Variants in TSPAN9 observed in about 807,000 individuals in gnomAD.
TSPAN9 encodes tetraspanin-9.
A neutral mutation model predicts 31.0 loss-of-function variants in TSPAN9; 16 were observed. The observed-to-expected ratio is 0.52, with a 90% CI of 0.35 to 0.78. The LOEUF (loss-of-function observed/expected upper bound fraction) is 0.78, where lower values mean the gene tolerates loss of function less well. Ranked by LOEUF, TSPAN9 falls within the 30% of genes least tolerant of loss-of-function variation. The pLI, the probability that TSPAN9 is intolerant of heterozygous loss-of-function variation, is 0.01. For synonymous variants in TSPAN9, 145 were observed against 121.6 expected (o/e 1.19, Z -1.27); for missense variants, 272 against 312.5 (o/e 0.87, Z 0.98).
intron 3 of TSPAN9, among the ~76,000 whole-genome samples, chr12:3,229,688 C>T (rs938485664): frequency 7.2e-5 from 11 of 152,232 alleles, no homozygotes; most frequent in African/African-American, 2.4e-4. Flanking sequence ...TGCCATCTTC[C>T]TGCTGGGTTT....
At chr12:3,244,879 G>C (rs924212345) in intron 3 of TSPAN9, among the ~76,000 whole-genome samples, 1 of 152,176 alleles carries the variant, frequency 6.6e-6, no homozygotes, top group Non-Finnish European at 1.5e-5. Flanking sequence ...CTCCTCCTGG[G>C]GCAGTGGACA....
intron 3 of TSPAN9, among the ~76,000 whole-genome samples, chr12:3,258,454 C>A (rs1457017980): frequency 3.9e-5 from 6 of 152,144 alleles, no homozygotes; most frequent in African/African-American, 1.4e-4. Context: ...GGGAGGGAGA[C>A]CTCAGTGAAT....
intron 2 of TSPAN9, among the ~76,000 whole-genome samples, chr12:3,125,513 G>T (rs1278032342): frequency 2.0e-5 from 3 of 152,074 alleles, no homozygotes; most frequent in African/African-American, 7.2e-5. Flanking sequence ...TAAAAAATAG[G>T]TACTGTTCTT....
chr12:3,092,732 A>G (rs1591623654), intron 2 of TSPAN9, among the ~76,000 whole-genome samples: 1 of 152,216 alleles, frequency 6.6e-6, no homozygotes, highest in Non-Finnish European at 1.5e-5. Flanking sequence ...TGTTTGGCAC[A>G]TTGGATGTCC....
intron 2 of TSPAN9, among the ~76,000 whole-genome samples, chr12:3,112,431 C>T (rs1185825156): frequency 2.0e-5 from 3 of 152,036 alleles, no homozygotes; most frequent in East Asian, 1.9e-4. Context: ...CTGCCTCAGC[C>T]TCCCAAAGTG....
chr12:3,096,089 G>C (rs2098308636), intron 2 of TSPAN9, among the ~76,000 whole-genome samples: 1 of 152,116 alleles, frequency 6.6e-6, no homozygotes, highest in Admixed American at 6.5e-5. Flanking sequence ...CAGCTCCGCT[G>C]CCCGCTGAAC....
At chr12:3,244,009 C>T (rs1014546550) in intron 3 of TSPAN9, among the ~76,000 whole-genome samples, 7 of 152,220 alleles carry the variant, frequency 4.6e-5, no homozygotes, top group Non-Finnish European at 7.3e-5. Flanking sequence ...GTGCCTGGCA[C>T]CTGGGCCAAG....
At chr12:3,235,391 C>T (rs2098393266) in intron 3 of TSPAN9, among the ~76,000 whole-genome samples, 1 of 150,270 alleles carries the variant, frequency 6.7e-6, no homozygotes, top group South Asian at 2.1e-4. Context: ...GGTTCGCACG[C>T]TAGCATTTTC....
At position 3,226,767 on chromosome 12, in the gene TSPAN9, TATATATATATATATATATATA is replaced by T. The variant is rs1565622522; in HGVS notation, c.63+25512_63+25532del. The stretch of plus-strand genomic sequence containing the variant: ...GTGTATATATATATATATATATATA[TATATATATATATATATATATA>T]TATATATTTTTTTTTTTTTTTCCCT... On this transcript the variant is annotated intron_variant, in intron 3 of 8. Coordinates refer to ENST00000011898, the MANE Select transcript of TSPAN9 (RefSeq NM_006675.5). Among the ~76,000 whole-genome samples, 20 of 3,286 alleles carry T rather than the reference TATATATATATATATATATATA, an allele frequency of 6.1e-3. 3 individuals carry two copies. The highest frequency in any genetic ancestry group is 0.01 in the African/African-American group (18 of 1,744). 2.2% of individuals were successfully genotyped at this position (3,286 alleles called of 152,430 possible).
At chr12:3,161,569 C>T (rs1166311663) in intron 2 of TSPAN9, among the ~76,000 whole-genome samples, 4 of 152,112 alleles carry the variant, frequency 2.6e-5, no homozygotes, top group East Asian at 1.9e-4. Context: ...GAGCACCTAG[C>T]GTGGGGCCTG....
chr12:3,196,121 C>T (rs1490201815), intron 2 of TSPAN9, among the ~76,000 whole-genome samples: 1 of 152,188 alleles, frequency 6.6e-6, no homozygotes, highest in Non-Finnish European at 1.5e-5. Context: ...AAACCAGCAC[C>T]AATGGATGGT....
chr12:3,246,196 TGG>T (rs1413833592), intron 3 of TSPAN9, among the ~76,000 whole-genome samples: 1 of 149,988 alleles, frequency 6.7e-6, no homozygotes, highest in Non-Finnish European at 1.5e-5. Flanking sequence ...GGGCGGGGGG[TGG>T]TGCCACACAC....
chr12:3,115,846 A>G (rs2098322052), intron 2 of TSPAN9, among the ~76,000 whole-genome samples: 1 of 152,214 alleles, frequency 6.6e-6, no homozygotes, highest in African/African-American at 2.4e-5. Context: ...TGTGTGTTGA[A>G]CTGTTTAAAG....
chr12:3,259,589 C>G (rs1176378132), intron 3 of TSPAN9, among the ~76,000 whole-genome samples: 1 of 152,140 alleles, frequency 6.6e-6, no homozygotes, highest in African/African-American at 2.4e-5. Flanking sequence ...CAGACTGTCA[C>G]AAGAAACGGA....
intron 3 of TSPAN9, among the ~76,000 whole-genome samples, chr12:3,249,716 G>A (rs2153977983): frequency 6.6e-6 from 1 of 152,276 alleles, no homozygotes; most frequent in Middle Eastern, 3.4e-3. Flanking sequence ...ATCCCTCCAG[G>A]GCAGACATCC....
chr12:3,267,316 G>A (rs902562773), intron 3 of TSPAN9, among the ~76,000 whole-genome samples: 10 of 152,180 alleles, frequency 6.6e-5, no homozygotes, highest in East Asian at 1.9e-4. Flanking sequence ...CAAAGTGCTC[G>A]GCAGGCGGAA....
rs1862981766 is a variant in TSPAN9, at chr12:3,284,797, A to G, written c.*1681A>G. On this transcript the variant is annotated 3_prime_UTR_variant, in exon 9 of 9. Transcript: ENST00000011898. Reference sequence around the variant, plus strand: ...TGGTGGGCGGCTGCCTTTCCTATACAGTTTGTCTTGTCACCCTGGTTTCCC... The same window carrying G: ...TGGTGGGCGGCTGCCTTTCCTATACGGTTTGTCTTGTCACCCTGGTTTCCC... 3 of 152,006 alleles carry G rather than the reference A, an allele frequency of 2.0e-5. No individual in the cohort carries two copies. The highest frequency in any genetic ancestry group is 6.6e-5 in the Admixed American group (1 of 15,264). 9.4% of individuals were successfully genotyped at this position (152,006 alleles called of 1,614,324 possible). A position where few individuals can be genotyped will look rare whatever the true frequency, so the allele number is the denominator to read the frequency against.
intron 2 of TSPAN9, among the ~76,000 whole-genome samples, chr12:3,098,003 G>A (rs528556163): frequency 2.0e-5 from 3 of 152,382 alleles, no homozygotes; most frequent in East Asian, 1.9e-4. Context: ...TAGTGTGGAC[G>A]TGTGGAGACA....
chr12:3,157,968 C>G (rs1203503153), intron 2 of TSPAN9, among the ~76,000 whole-genome samples: 1 of 152,168 alleles, frequency 6.6e-6, no homozygotes, highest in Non-Finnish European at 1.5e-5. Flanking sequence ...TCCATTGTGT[C>G]TTTCTCCCCT....
Sources: gnomAD v4.1 joint callset for allele counts (sites outside exome capture counted in the v4.1 genomes callset) on GRCh38, gnomAD v4.1.1 for gene constraint, MANE v1.5 for transcripts, NCBI Gene and HGNC (gene_info 2026-07-23, HGNC 2026-07-21) for gene names.